The following EPHA3 variants were observed in gnomAD, a reference collection of about 807,000 sequenced individuals.
EPHA3 encodes the protein EPH receptor A3.
EPHA3 carries 42 observed loss-of-function variants against 107.1 expected under a neutral mutation model. The observed-to-expected ratio is 0.39, with a 90% CI of 0.31 to 0.51. The LOEUF is 0.51. Ranked by LOEUF, EPHA3 falls within the 20% of genes least tolerant of loss-of-function variation. The pLI is 0.78. For missense variants in EPHA3, 1,183 were observed against 1,211.2 expected (o/e 0.98, Z 0.35); for synonymous variants, 461 against 424.8 (o/e 1.09, Z -1.05).
chr3:89,187,404 T>A (rs886752328), intron 2 of EPHA3, among the ~76,000 whole-genome samples: 1 of 149,364 alleles, frequency 6.7e-6, no homozygotes, highest in African/African-American at 2.4e-5. Context: ...TTTATTTATA[T>A]ATTATTCATA....
At chr3:89,331,626 G>A (rs1316906972) in intron 3 of EPHA3, among the ~76,000 whole-genome samples, 1 of 152,030 alleles carries the variant, frequency 6.6e-6, no homozygotes, top group Non-Finnish European at 1.5e-5. Context: ...AGAAATTACA[G>A]CATCTAGGTT....
At chr3:89,436,051 A>G (rs1709664525) in intron 13 of EPHA3, among the ~76,000 whole-genome samples, 2 of 151,874 alleles carry the variant, frequency 1.3e-5, no homozygotes, top group South Asian at 4.1e-4. Context: ...TGAGGTGGAA[A>G]GATCACTTGA....
intron 2 of EPHA3, among the ~76,000 whole-genome samples, chr3:89,190,799 C>T (rs1370836909): frequency 2.0e-5 from 3 of 152,162 alleles, no homozygotes; most frequent in African/African-American, 4.8e-5. Flanking sequence ...GCTGTCTTCT[C>T]GTGTCTCTTC....
intron 3 of EPHA3, among the ~76,000 whole-genome samples, chr3:89,309,560 C>A (rs1706715923): frequency 6.6e-6 from 1 of 152,094 alleles, no homozygotes; most frequent in Admixed American, 6.6e-5. Flanking sequence ...CACACAGGCA[C>A]ACACGCTCAC....
chr3:89,389,596 G>A (rs115460684), intron 5 of EPHA3, among the ~76,000 whole-genome samples: 2,435 of 152,246 alleles, frequency 0.016, 68 homozygotes, highest in African/African-American at 0.055. Context: ...TCCTTTATGG[G>A]TTGAATTTTG....
At position 89,233,081 on chromosome 3, in the gene EPHA3, T is replaced by C. The variant is rs114811631; in HGVS notation, c.814+22561T>C. 2.4e-3 allele frequency among the ~76,000 whole-genome samples: 372 copies of C among 152,276 alleles called. 1 individual carries two copies. The highest frequency in any genetic ancestry group is 8.4e-3 in the African/African-American group (348 of 41,576). On this transcript the variant is annotated intron_variant, in intron 3 of 16. Coordinates refer to ENST00000336596, the MANE Select transcript of EPHA3 (RefSeq NM_005233.6). ...CCACAGAGATCTCATGTCTAAATAC[T>C]TACGTTACAAGGTACAGAGACATCT... is the stretch of plus-strand genomic sequence containing the variant.
intron 5 of EPHA3, among the ~76,000 whole-genome samples, chr3:89,381,613 G>A (rs1214813195): frequency 6.6e-6 from 1 of 151,836 alleles, no homozygotes; most frequent in Non-Finnish European, 1.5e-5. Context: ...AGGTTGCAAT[G>A]AGCCAAGATT....
chr3:89,351,966 T>G (rs1707833615), intron 5 of EPHA3, among the ~76,000 whole-genome samples: 1 of 149,422 alleles, frequency 6.7e-6, no homozygotes, highest in Non-Finnish European at 1.5e-5. Flanking sequence ...AGACCAACAC[T>G]TATTGATAGG....
intron 3 of EPHA3, among the ~76,000 whole-genome samples, chr3:89,280,914 A>G (rs1362460185): frequency 1.3e-5 from 2 of 152,166 alleles, no homozygotes; most frequent in East Asian, 3.8e-4. Context: ...TGCTTAGAAT[A>G]GTAGCTTATA....
At chr3:89,144,938 A>G (rs886380397) in intron 2 of EPHA3, among the ~76,000 whole-genome samples, 11 of 151,800 alleles carry the variant, frequency 7.2e-5, no homozygotes, top group Non-Finnish European at 1.6e-4. Flanking sequence ...ATTAAGAAAT[A>G]ACAATCATAT....
chr3:89,352,751 A>C (rs1423075063), intron 5 of EPHA3, among the ~76,000 whole-genome samples: 2 of 150,404 alleles, frequency 1.3e-5, no homozygotes, highest in Non-Finnish European at 3.0e-5. Flanking sequence ...AAAAATACAA[A>C]AATTAGCCAG....
At chr3:89,278,663 T>C (rs190651428) in intron 3 of EPHA3, among the ~76,000 whole-genome samples, 187 of 152,254 alleles carry the variant, frequency 1.2e-3, no homozygotes, top group Admixed American at 2.0e-3. Context: ...AAATTAGGAA[T>C]AAAATGAAAT....
intron 3 of EPHA3, among the ~76,000 whole-genome samples, chr3:89,291,045 A>G (rs1435265273): frequency 1.3e-5 from 2 of 152,146 alleles, no homozygotes; most frequent in African/African-American, 2.4e-5. Flanking sequence ...TTTTCTTTAT[A>G]TACCCTTTGT....
At chr3:89,275,145 G>T (rs930099497) in intron 3 of EPHA3, among the ~76,000 whole-genome samples, 10 of 151,980 alleles carry the variant, frequency 6.6e-5, no homozygotes, top group Middle Eastern at 3.4e-3. Flanking sequence ...TAATTTTTCC[G>T]CTACATCAGG....
chr3:89,453,838 G>T (rs1229712684), intron 15 of EPHA3, among the ~76,000 whole-genome samples: 1 of 152,094 alleles, frequency 6.6e-6, no homozygotes, highest in Non-Finnish European at 1.5e-5. Flanking sequence ...CAGCAAAACA[G>T]AAATGTAGTG....
chr3:89,297,438 T>G (rs1706381478), intron 3 of EPHA3, among the ~76,000 whole-genome samples: 1 of 152,134 alleles, frequency 6.6e-6, no homozygotes, highest in Non-Finnish European at 1.5e-5. Context: ...ATACTGCTAG[T>G]GAATGGAGCA....
At chr3:89,346,481 T>C (rs1295218819) in intron 5 of EPHA3, among the ~76,000 whole-genome samples, 1 of 148,136 alleles carries the variant, frequency 6.8e-6, no homozygotes, top group East Asian at 1.9e-4. Context: ...TTTTTTCTTG[T>C]AAATTTGTTT....
intron 3 of EPHA3, 79 bp downstream of exon 3, chr3:89,210,599 T>G: frequency 7.0e-7 from 1 of 1,431,530 alleles, no homozygotes; most frequent in Non-Finnish European, 9.3e-7. Flanking sequence ...TGAAATGCAC[T>G]CAGTCTCAAC....
chr3:89,352,342 G>C (rs531498043), intron 5 of EPHA3, among the ~76,000 whole-genome samples: 101 of 150,776 alleles, frequency 6.7e-4, no homozygotes, highest in Non-Finnish European at 3.1e-4. Context: ...TTTATTTTTT[G>C]GCATTCTGGG....
Sources: gnomAD v4.1 joint callset for allele counts (sites outside exome capture counted in the v4.1 genomes callset) on GRCh38, gnomAD v4.1.1 for gene constraint, MANE v1.5 for transcripts, NCBI Gene and HGNC (gene_info 2026-07-23, HGNC 2026-07-21) for gene names.